USP43: variants seen among roughly 807,000 people sequenced by gnomAD.
USP43 encodes ubiquitin carboxyl-terminal hydrolase 43.
A neutral mutation model predicts 90.7 loss-of-function variants in USP43; 33 were observed. The observed-to-expected ratio is 0.36, with a 90% CI of 0.28 to 0.49. The LOEUF (loss-of-function observed/expected upper bound fraction) is 0.49. Among genes scored for constraint, USP43 ranks in the 20% least tolerant of loss-of-function variants. USP43 has a pLI of 0.98. For synonymous variants in USP43, 598 were observed against 615.8 expected, an observed-to-expected ratio of 0.97 and a Z score of 0.43; for missense variants, 1,274 against 1,476.4, an observed-to-expected ratio of 0.86 and a Z score of 2.25.
chr17:9,693,002 G>T, intron 8 of USP43, 125 bp from the exon 9 acceptor site: 1 of 751,304 alleles, frequency 1.3e-6, no homozygotes, highest in Non-Finnish European at 2.1e-6. Flanking sequence ...TAATTATTAC[G>T]GGAATATTCA....
intron 8 of USP43, among the ~76,000 whole-genome samples, chr17:9,692,508 A>G (rs978805719): frequency 6.6e-6 from 1 of 152,216 alleles, no homozygotes; most frequent in African/African-American, 2.4e-5. Flanking sequence ...AAATATCTGC[A>G]CAAATGTTTG....
chr17:9,720,972 G>A (rs1187728633), intron 14 of USP43, among the ~76,000 whole-genome samples: 1 of 152,156 alleles, frequency 6.6e-6, no homozygotes, highest in East Asian at 1.9e-4. Flanking sequence ...CACCTTTCCG[G>A]TAGCCCTGGT....
intron 4 of USP43, among the ~76,000 whole-genome samples, chr17:9,675,994 A>C (rs953489436): frequency 6.6e-6 from 1 of 152,316 alleles, no homozygotes; most frequent in South Asian, 2.1e-4. Context: ...ATTGGAGTAC[A>C]GATCAAGAGA....
intron 1 of USP43, among the ~76,000 whole-genome samples, chr17:9,648,454 G>A (rs1911609563): frequency 6.6e-6 from 1 of 152,206 alleles, no homozygotes. Flanking sequence ...AGGTAGAAAT[G>A]GATGTTAATG....
Position 9,656,519 on chromosome 17 carries a change from G to T in USP43, c.621G>T (p.Gly207=). The T allele has an allele frequency of 6.2e-7, 1 of 1,611,356 alleles. No individual in the cohort carries two copies. The highest frequency in any genetic ancestry group is 8.5e-7 in the Non-Finnish European group (1 of 1,178,932). The change falls in exon 2 of 15, where the codon GGG becomes GGT. Residue 207 remains glycine, a synonymous_variant. Coordinates refer to ENST00000285199, the MANE Select transcript of USP43 (RefSeq NM_153210.5). ...VHEDLEGSSR[G]PVSEKLPPEA... is the part of the protein sequence containing the mutation. ...AGGACCTGGAGGGTTCATCCCGAGG[G>T]CCGGTGTCGGAGAAGGTCGGTCACT... is the stretch of plus-strand genomic sequence containing the variant.
intron 1 of USP43, among the ~76,000 whole-genome samples, chr17:9,650,458 A>G (rs967850843): frequency 6.6e-6 from 1 of 152,064 alleles, no homozygotes; most frequent in African/African-American, 2.4e-5. Context: ...GCTGGAGTGC[A>G]GGGGCGCTAT....
intron 14 of USP43, among the ~76,000 whole-genome samples, chr17:9,714,552 G>A (rs2654717): frequency 0.42 from 63,124 of 151,438 alleles, 16,185 homozygotes; most frequent in African/African-American, 0.73. Context: ...GCATGGTGGC[G>A]CACGCCTGTA....
intron 6 of USP43, among the ~76,000 whole-genome samples, chr17:9,681,438 A>G (rs1319365582): frequency 2.7e-5 from 3 of 112,156 alleles, no homozygotes; most frequent in Non-Finnish European, 3.6e-5. Context: ...TATATTATAT[A>G]TAGATAAATA....
intron 2 of USP43, among the ~76,000 whole-genome samples, chr17:9,658,424 C>T (rs1567648220): frequency 1.3e-5 from 2 of 152,126 alleles, no homozygotes; most frequent in African/African-American, 4.8e-5. Context: ...ATTGGGTAAC[C>T]TTCTAAAGCC....
intron 3 of USP43, chr17:9,669,627 A>C (rs1913265057): frequency 6.6e-6 from 1 of 152,248 alleles, no homozygotes; most frequent in South Asian, 2.1e-4. Context: ...AACCTGTGAT[A>C]GCCATCAGCA....
Position 9,700,160 on chromosome 17 carries a change from T to C in USP43, c.1458-12T>C. On this transcript the variant is annotated splice_polypyrimidine_tract_variant and intron_variant, in intron 9 of 14. Transcript: ENST00000285199. ...CCGTGTTTTCTGATGGGCTCCCTTG[T>C]TCTCTTCTCAGGGTTTTGCATCTCA... The C allele has an allele frequency of 6.3e-7, 1 of 1,595,106 alleles. No individual in the cohort carries two copies. Among genetic ancestry groups the C allele is most frequent in the South Asian group, 1.1e-5 (1 of 87,446 alleles).
At chr17:9,677,553 C>T (rs1913865521) in intron 5 of USP43, among the ~76,000 whole-genome samples, 1 of 152,198 alleles carries the variant, frequency 6.6e-6, no homozygotes, top group African/African-American at 2.4e-5. Context: ...ATTGGATTCA[C>T]AGTGCCTGGA....
chr17:9,714,229 G>A (rs1419935714), intron 14 of USP43, among the ~76,000 whole-genome samples: 2 of 152,116 alleles, frequency 1.3e-5, no homozygotes, highest in African/African-American at 4.8e-5. Context: ...ATTCCTAACA[G>A]GCTGTGGATC....
In USP43 at chr17:9,711,951, CTG is replaced by C. The variant is rs1340644944; in HGVS notation, c.2171-13_2171-12del. On this transcript the variant is annotated splice_polypyrimidine_tract_variant and intron_variant, in intron 13 of 14. Coordinates refer to ENST00000285199, the MANE Select transcript of USP43 (RefSeq NM_153210.5). ...CTGGGGTTGGGCTCAGCCTCCCTCT[CTG>C]TGTTTCCTCCACAGGCTCTACCAGC... 3.2e-6 allele frequency: 5 copies of C among 1,579,608 alleles called. No individual in the cohort carries two copies. Among genetic ancestry groups the C allele is most frequent in the Non-Finnish European group, 3.4e-6 (4 of 1,161,528 alleles).
chr17:9,715,672 T>A (rs993978807), intron 14 of USP43, among the ~76,000 whole-genome samples: 43 of 150,240 alleles, frequency 2.9e-4, no homozygotes, highest in Non-Finnish European at 3.0e-5. Flanking sequence ...TGTGCCTGTG[T>A]GTGTGTCTGT....
chr17:9,715,110 A>C (rs1280821206), intron 14 of USP43, among the ~76,000 whole-genome samples: 1 of 152,208 alleles, frequency 6.6e-6, no homozygotes, highest in Admixed American at 6.5e-5. Flanking sequence ...TCAGATGATC[A>C]GGTCTACAGG....
intron 14 of USP43, among the ~76,000 whole-genome samples, chr17:9,723,898 C>T (rs1021872346): frequency 2.0e-5 from 3 of 152,074 alleles, no homozygotes; most frequent in Admixed American, 6.5e-5. Context: ...CGTGAGCCAC[C>T]GCGCCCGGCT....
At chr17:9,692,356 C>T (rs1412528001) in intron 8 of USP43, among the ~76,000 whole-genome samples, 1 of 152,156 alleles carries the variant, frequency 6.6e-6, no homozygotes, top group South Asian at 2.1e-4. Context: ...GAGACTTTGT[C>T]GTCTCAAAAA....
intron 7 of USP43, among the ~76,000 whole-genome samples, chr17:9,683,195 A>T (rs1047044703): frequency 6.6e-6 from 1 of 152,192 alleles, no homozygotes; most frequent in African/African-American, 2.4e-5. Flanking sequence ...AACAATTTTT[A>T]CTGCCTTCAC....
Sources: gnomAD v4.1 joint callset for allele counts (sites outside exome capture counted in the v4.1 genomes callset) on GRCh38, gnomAD v4.1.1 for gene constraint, MANE v1.5 for transcripts, NCBI Gene and HGNC (gene_info 2026-07-23, HGNC 2026-07-21) for gene names.